The following MLIP variants were observed in gnomAD, a reference collection of about 807,000 sequenced individuals.
The protein encoded by MLIP is muscular LMNA-interacting protein.
Under a neutral mutation model 84.8 loss-of-function variants are expected in MLIP, and 79 were observed. The observed-to-expected ratio is 0.93, with a 90% CI of 0.78 to 1.12. The LOEUF (loss-of-function observed/expected upper bound fraction) is 1.12, where lower values mean the gene tolerates loss of function less well. Ranked by LOEUF, MLIP falls within the 50% of genes most tolerant of loss-of-function variation. The pLI is 0.00. For missense variants in MLIP, 1,257 were observed against 1,160.6 expected (o/e 1.08, Z -1.21); for synonymous variants, 504 against 463.0 (o/e 1.09, Z -1.14).
chr6:54,081,577 T>A (rs970600985), intron 1 of MLIP, among the ~76,000 whole-genome samples: 2 of 151,820 alleles, frequency 1.3e-5, no homozygotes, highest in Admixed American at 1.3e-4. Context: ...CCCAGCTAAA[T>A]TTTTTTTGTA....
intron 12 of MLIP, among the ~76,000 whole-genome samples, chr6:54,247,259 A>G (rs1782143896): frequency 6.6e-6 from 1 of 152,170 alleles, no homozygotes; most frequent in South Asian, 2.1e-4. Context: ...ACTGACTGAC[A>G]GTGGAGAGTT....
chr6:54,056,478 T>G (rs1474109056), intron 1 of MLIP, among the ~76,000 whole-genome samples: 2 of 152,188 alleles, frequency 1.3e-5, no homozygotes, highest in Admixed American at 1.3e-4. Context: ...TGTGATAGAT[T>G]GCTCTATGAA....
intron 1 of MLIP, among the ~76,000 whole-genome samples, chr6:54,092,576 C>T (rs1390135550): frequency 6.6e-6 from 1 of 151,488 alleles, no homozygotes; most frequent in African/African-American, 2.4e-5. Flanking sequence ...TATAATTATA[C>T]CCACAATATA....
intron 10 of MLIP, among the ~76,000 whole-genome samples, chr6:54,195,480 T>G (rs535350283): frequency 1.3e-5 from 2 of 152,246 alleles, no homozygotes; most frequent in Admixed American, 6.6e-5. Flanking sequence ...TTTAAAAATA[T>G]TGGTCATGGA....
chr6:54,032,699 G>A (rs1764210106), intron 1 of MLIP, among the ~76,000 whole-genome samples: 1 of 152,138 alleles, frequency 6.6e-6, no homozygotes, highest in South Asian at 2.1e-4. Context: ...GACTAGAGGT[G>A]TGCACCATCA....
At chr6:54,044,904 A>G (rs1223148577) in intron 1 of MLIP, among the ~76,000 whole-genome samples, 2 of 152,264 alleles carry the variant, frequency 1.3e-5, no homozygotes. Flanking sequence ...TGCAATAGGC[A>G]GAACCACAGT....
intron 13 of MLIP, among the ~76,000 whole-genome samples, chr6:54,260,115 T>C (rs1783284840): frequency 6.6e-6 from 1 of 151,978 alleles, no homozygotes; most frequent in South Asian, 2.1e-4. Context: ...ACTACCAGAC[T>C]GTCATTTCTT....
At chr6:54,118,874 C>G (rs1013938522) in intron 1 of MLIP, among the ~76,000 whole-genome samples, 2 of 152,142 alleles carry the variant, frequency 1.3e-5, no homozygotes, top group African/African-American at 4.8e-5. Context: ...AGACATCTCT[C>G]AAAAGACACA....
At chr6:54,046,951 C>A (rs1417398451) in intron 1 of MLIP, 21 of 152,112 alleles carry the variant, frequency 1.4e-4, no homozygotes, top group Non-Finnish European at 1.6e-4. Context: ...AATTATCTGA[C>A]CTATATACAA....
intron 5 of MLIP, among the ~76,000 whole-genome samples, chr6:54,151,349 G>T (rs2150529280): frequency 6.6e-6 from 1 of 152,020 alleles, no homozygotes; most frequent in South Asian, 2.1e-4. Context: ...GTTCCTTTCA[G>T]TGTTATAGTT....
chr6:54,047,426 A>G (rs1181335832), intron 1 of MLIP: 1 of 152,198 alleles, frequency 6.6e-6, no homozygotes, highest in Non-Finnish European at 1.5e-5. Context: ...TGGAAATGCA[A>G]AATTGGAGCT....
intron 1 of MLIP, among the ~76,000 whole-genome samples, chr6:54,077,839 T>C (rs929037308): frequency 1.3e-5 from 2 of 152,218 alleles, no homozygotes; most frequent in African/African-American, 4.8e-5. Context: ...GCTCAAGATA[T>C]GTGTTTTCTT....
chr6:54,168,806 A>G (rs1255884947), intron 8 of MLIP, among the ~76,000 whole-genome samples: 1 of 151,314 alleles, frequency 6.6e-6, no homozygotes, highest in Non-Finnish European at 1.5e-5. Context: ...CTTCTCAGAT[A>G]CAAGTATGGA....
chr6:54,149,587 T>C (rs1451651046), intron 5 of MLIP, among the ~76,000 whole-genome samples: 1 of 152,136 alleles, frequency 6.6e-6, no homozygotes, highest in African/African-American at 2.4e-5. Context: ...ACTATACTGA[T>C]ACTCAGATAT....
Position 54,042,410 on chromosome 6 carries a change from A to C in MLIP, c.63+23319A>C, listed in dbSNP as rs1764797242. On this transcript the variant is annotated intron_variant, in intron 1 of 12. Coordinates refer to the MLIP transcript ENST00000274897. ...TCTCCCTCCACCTTTTTCTTCTTTGATTTTAATAGATATATTTACAGATTT... is the reference window on the plus strand; with the variant it reads ...TCTCCCTCCACCTTTTTCTTCTTTGCTTTTAATAGATATATTTACAGATTT... 2.0e-5 allele frequency among the ~76,000 whole-genome samples: 3 copies of C among 151,238 alleles called. No homozygotes were observed. The South Asian group carries it at 6.3e-4, about 32-fold the overall frequency.
chr6:54,132,405 A>C (rs997308116), intron 3 of MLIP, among the ~76,000 whole-genome samples: 1 of 152,204 alleles, frequency 6.6e-6, no homozygotes, highest in African/African-American at 2.4e-5. Flanking sequence ...GATTCAGAGT[A>C]CACAAGGAGA....
chr6:54,020,549 A>G (rs1337929592), intron 1 of MLIP, among the ~76,000 whole-genome samples: 1 of 152,212 alleles, frequency 6.6e-6, no homozygotes, highest in East Asian at 1.9e-4. Flanking sequence ...AGTCTTTTAC[A>G]GGAAGTTTTG....
upstream of MLIP, among the ~76,000 whole-genome samples, chr6:54,107,274 C>T (rs1769085134): frequency 1.3e-5 from 2 of 152,132 alleles, no homozygotes; most frequent in African/African-American, 2.4e-5. Flanking sequence ...ATACCTATAG[C>T]AGTATATTAC....
rs775980909 is a variant in MLIP at position 54,118,386 on chromosome 6, C to T, written c.97-3061C>T. Among the ~76,000 whole-genome samples the T allele has an allele frequency of 3.9e-4, 60 of 152,152 alleles. 1 individual carries two copies. The highest frequency in any genetic ancestry group is 8.8e-5 in the Non-Finnish European group (6 of 68,016). On this transcript the variant is annotated intron_variant, in intron 1 of 13. Coordinates refer to ENST00000502396, the MANE Select transcript of MLIP (RefSeq NM_001281747.2). ...AGAAATAAATCCACACACTTACAGC[C>T]AACTGATGTTTGATAAAGGTGCCAA... is the stretch of plus-strand genomic sequence containing the variant.
Sources: allele counts gnomAD v4.1 joint callset (sites outside exome capture counted in the v4.1 genomes callset), GRCh38; gene constraint gnomAD v4.1.1; transcripts MANE v1.5; gene names NCBI Gene and HGNC (gene_info 2026-07-23, HGNC 2026-07-21).